INTS10: variants seen among roughly 807,000 people sequenced by gnomAD.
INTS10 encodes integrator complex subunit 10, also known as chromosome 8 open reading frame 35.
Under a neutral mutation model 94.4 loss-of-function variants are expected in INTS10, and 44 were observed. The ratio of observed to expected loss-of-function variants is 0.47; its 90% CI spans 0.37 to 0.60. The LOEUF (loss-of-function observed/expected upper bound fraction) is 0.60. Ranked by LOEUF, INTS10 falls within the 20% of genes least tolerant of loss-of-function variation. INTS10 has a pLI of 0.00. For synonymous variants in INTS10, 341 were observed against 320.7 expected (o/e 1.06, Z -0.68); for missense variants, 797 against 868.7 (o/e 0.92, Z 1.04).
chr8:19,818,620 A>G (rs1296543551), intron 2 of INTS10: 6 of 444,972 alleles, frequency 1.3e-5, no homozygotes. Context: ...TTCAAACACT[A>G]CTTGTTATAG....
intron 13 of INTS10, among the ~76,000 whole-genome samples, chr8:19,838,238 C>T (rs1226108834): frequency 1.3e-5 from 2 of 152,032 alleles, no homozygotes; most frequent in Non-Finnish European, 2.9e-5. Context: ...CACCTGTAGT[C>T]TCAGCTACTC....
At chr8:19,840,885 G>T (rs1373298916) in intron 13 of INTS10, among the ~76,000 whole-genome samples, 2 of 152,166 alleles carry the variant, frequency 1.3e-5, no homozygotes, top group African/African-American at 4.8e-5. Context: ...CAACTAGGAG[G>T]CAAGGCATAT....
rs1464470097 is a variant in INTS10 at position 19,841,842 on chromosome 8, C to T, written c.1640-1006C>T. On this transcript the variant is annotated intron_variant, in intron 13 of 16. Coordinates refer to ENST00000397977, the MANE Select transcript of INTS10 (RefSeq NM_018142.4). ...TCATTTACAGGGTCATGAGTTTCAACCAGAAATTTTCTTTTTTAATGAGAT... is the reference window on the plus strand; with the variant it reads ...TCATTTACAGGGTCATGAGTTTCAATCAGAAATTTTCTTTTTTAATGAGAT... 8.8e-6 allele frequency: 4 copies of T among 455,704 alleles called. No homozygotes were observed. The East Asian group carries it at 2.8e-4, about 32-fold the overall frequency. 28.2% of individuals were successfully genotyped at this position (455,704 alleles called of 1,614,324 possible). A position where few individuals can be genotyped will look rare whatever the true frequency, so the allele number is the denominator to read the frequency against.
intron 10 of INTS10, 41 bp downstream of exon 10, chr8:19,830,600 A>G (rs1589975973): frequency 1.9e-6 from 3 of 1,567,278 alleles, no homozygotes; most frequent in Middle Eastern, 1.7e-4. Context: ...GATGTTTTAT[A>G]TAAAATCATT....
In INTS10 at chr8:19,851,894, T is replaced by A. The variant is rs1054534113; in HGVS notation, c.*89T>A. The A allele has an allele frequency of 8.5e-7, 1 of 1,172,836 alleles. No individual in the cohort carries two copies. Among genetic ancestry groups the A allele is most frequent in the Admixed American group, 2.1e-5 (1 of 47,406 alleles). 72.7% of individuals were successfully genotyped at this position (1,172,836 alleles called of 1,614,324 possible). On this transcript the variant is annotated 3_prime_UTR_variant, in exon 17 of 17. Coordinates refer to ENST00000397977, the MANE Select transcript of INTS10 (RefSeq NM_018142.4). The surrounding 1 kb of genome is among the most constrained non-coding windows in gnomAD (Gnocchi z 5.0). ...TGATTGCCATGGCACAGAGCCGTGG[T>A]CATTGTTGCTGTTACAAAGAAGAAA... is the stretch of plus-strand genomic sequence containing the variant.
Position 19,849,206 on chromosome 8 carries a change from C to T in INTS10, c.1977-2443C>T. 1 of 1,289,660 alleles carries T rather than the reference C, an allele frequency of 7.8e-7. No individual in the cohort carries two copies. 79.9% of individuals were successfully genotyped at this position (1,289,660 alleles called of 1,614,324 possible). On this transcript the variant is annotated intron_variant, in intron 16 of 16. Coordinates refer to ENST00000397977, the MANE Select transcript of INTS10 (RefSeq NM_018142.4). This position sits in a 1 kb window ranked among gnomAD's most constrained non-coding sequence, Gnocchi z 4.6. ...GGGTTACTGCAGCAGGAATTCTTACCTGTGCTTCAGCCCAGCATACAGACT... is the reference window on the plus strand; with the variant it reads ...GGGTTACTGCAGCAGGAATTCTTACTTGTGCTTCAGCCCAGCATACAGACT...
intron 11 of INTS10, among the ~76,000 whole-genome samples, chr8:19,832,719 T>G (rs558054309): frequency 5.9e-5 from 9 of 152,228 alleles, no homozygotes; most frequent in African/African-American, 2.2e-4. Context: ...GCTGGTGGAG[T>G]CTGCCTGGCT....
intron 1 of INTS10, 24 bp downstream of exon 1, chr8:19,817,690 G>A: frequency 6.3e-7 from 1 of 1,594,974 alleles, no homozygotes; most frequent in Non-Finnish European, 8.5e-7. Flanking sequence ...TGTGCATGCG[G>A]CCGCTCTGCG....
chr8:19,825,641 T>C (rs1345353758), intron 8 of INTS10, among the ~76,000 whole-genome samples: 1 of 152,034 alleles, frequency 6.6e-6, no homozygotes, highest in East Asian at 1.9e-4. Flanking sequence ...ATAGAGAGTA[T>C]ATGCATAAAT....
At chr8:19,832,894 C>A (rs1183380471) in intron 11 of INTS10, among the ~76,000 whole-genome samples, 2 of 152,174 alleles carry the variant, frequency 1.3e-5, no homozygotes, top group Admixed American at 6.5e-5. Flanking sequence ...TGCTGGATCA[C>A]AGGGCCTGGT....
intron 16 of INTS10, among the ~76,000 whole-genome samples, chr8:19,847,066 G>A (rs2068638790): frequency 6.6e-6 from 1 of 152,130 alleles, no homozygotes; most frequent in African/African-American, 2.4e-5. Context: ...AGTAAGAAAT[G>A]TTCATTTTAG....
At chr8:19,829,966 C>T (rs569050789) in intron 9 of INTS10, among the ~76,000 whole-genome samples, 2 of 152,136 alleles carry the variant, frequency 1.3e-5, no homozygotes, top group Admixed American at 6.5e-5. Flanking sequence ...CCACGCCCGG[C>T]CCCAGGCTTT....
chr8:19,848,831 G>C (rs892749734), intron 16 of INTS10: 10 of 163,334 alleles, frequency 6.1e-5, no homozygotes, highest in African/African-American at 2.2e-4. Flanking sequence ...TCTTCTCAAA[G>C]GCTGCCCCTA....
Position 19,834,933 on chromosome 8 carries a change from C to T in INTS10, c.1530+1612C>T, listed in dbSNP as rs150078386. Among the ~76,000 whole-genome samples, 20 of 152,192 alleles carry T rather than the reference C, an allele frequency of 1.3e-4. No individual in the cohort carries two copies. In the South Asian group the frequency reaches 2.3e-3, roughly 17 times the overall value. On this transcript the variant is annotated intron_variant, in intron 12 of 16. Coordinates refer to ENST00000397977, the MANE Select transcript of INTS10 (RefSeq NM_018142.4). Reference sequence around the variant, plus strand: ...AAGGGACAAGAGAGCACTGTAGAGTCGCTCTGATAAGGGCACGAATCCCAT... The same window carrying T: ...AAGGGACAAGAGAGCACTGTAGAGTTGCTCTGATAAGGGCACGAATCCCAT...
chr8:19,818,034 C>T (rs2066072939), intron 1 of INTS10, among the ~76,000 whole-genome samples: 1 of 152,162 alleles, frequency 6.6e-6, no homozygotes, highest in Non-Finnish European at 1.5e-5. Context: ...GCAGTTTGTT[C>T]AGGGCCTGCG....
rs1471838360 is a variant in INTS10, at chr8:19,817,579, C to G, written c.42C>G (p.Ala14=). The change falls in exon 1 of 17, where the codon GCC becomes GCG. Residue 14 remains alanine, a synonymous_variant. Transcript: ENST00000397977. ...ACTGCGAGTTCCTGGTGCAGCGAGC[C>G]CGGGAGTTGGTGCCGCAAGACCTGT... ...QGDCEFLVQR[A]RELVPQDLWA... is the part of the protein sequence containing the mutation. 6.2e-7 allele frequency: 1 copy of G among 1,608,840 alleles called. No homozygotes were observed. Among genetic ancestry groups the G allele is most frequent in the African/African-American group, 1.3e-5 (1 of 74,844 alleles).
At position 19,820,403 on chromosome 8, in the gene INTS10, G is replaced by C; in HGVS notation, c.326G>C (p.Arg109Pro). 2 of 1,611,008 alleles carry C rather than the reference G, an allele frequency of 1.2e-6. No individual in the cohort carries two copies. The highest frequency in any genetic ancestry group is 1.1e-5 in the South Asian group (1 of 90,780). ...LRSLFETLPG[R>P]VQCEMLLKVT... ...GGTTTATTTGAAACTCTTCCTGGTC[G>C]GGTCCAGTGTGAAATGTTACTAAAG... is the stretch of plus-strand genomic sequence containing the variant. Residue 109 changes from arginine (R) to proline (P), a missense_variant, in exon 4 of 17, where the codon CGG (arginine) becomes CCG (proline). By Grantham distance (103) the Arg-to-Pro change is moderately radical. This residue lies in a region of INTS10 where 734 missense variants were observed against 787.8 expected (regional missense o/e 0.93). Coordinates refer to ENST00000397977, the MANE Select transcript of INTS10 (RefSeq NM_018142.4).
In INTS10 at chr8:19,830,317, T is replaced by A. The variant is rs1477995521; in HGVS notation, c.1141-89T>A. On this transcript the variant is annotated intron_variant, in intron 9 of 16. Transcript: ENST00000397977. ...GGTATCCTTTGATATAAAATTCATATCACGGGCCAAACTGGCAGCAATAAT... is the reference window on the plus strand; with the variant it reads ...GGTATCCTTTGATATAAAATTCATAACACGGGCCAAACTGGCAGCAATAAT... 13 of 1,161,632 alleles carry A rather than the reference T, an allele frequency of 1.1e-5. No homozygotes were observed. The Admixed American group carries it at 1.1e-4, about 10-fold the overall frequency. The allele number at this position is 1,161,632 out of a possible 1,614,324, so 72.0% of individuals were successfully genotyped here.
chr8:19,851,218 A>C lies in INTS10; in HGVS notation c.1977-431A>C, dbSNP rs527325384. The stretch of plus-strand genomic sequence containing the variant: ...GGGAGCTCACTTGGGTGATTGGCTC[A>C]TTCAGGTCTCCTCCCTCCTTGCTGC... On this transcript the variant is annotated intron_variant, in intron 16 of 16. Transcript: ENST00000397977. This position sits in a 1 kb window ranked among gnomAD's most constrained non-coding sequence, Gnocchi z 5.0. Among the ~76,000 whole-genome samples, 21 of 152,312 alleles carry C rather than the reference A, an allele frequency of 1.4e-4. No homozygotes were observed. Among genetic ancestry groups the C allele is most frequent in the African/African-American group, 4.6e-4 (19 of 41,562 alleles).
Sources: gnomAD v4.1 joint callset for allele counts (sites outside exome capture counted in the v4.1 genomes callset) on GRCh38, gnomAD v4.1.1 for gene constraint, gnomAD v4.1.1 regional missense constraint, Gnocchi (gnomAD v3.1) non-coding constraint, MANE v1.5 for transcripts, NCBI Gene and HGNC (gene_info 2026-07-23, HGNC 2026-07-21) for gene names.